PRMT8: variants seen among roughly 807,000 people sequenced by gnomAD.
PRMT8 encodes the protein protein arginine N-methyltransferase 8.
A neutral mutation model predicts 47.1 loss-of-function variants in PRMT8; 7 were observed. The observed-to-expected ratio is 0.15, with a 90% CI of 0.08 to 0.28. The LOEUF (loss-of-function observed/expected upper bound fraction) is 0.28, where lower values mean the gene tolerates loss of function less well. PRMT8 is among the 10% of genes least tolerant of loss of function. The pLI, the probability that PRMT8 is intolerant of heterozygous loss-of-function variation, is 1.00. For synonymous variants in PRMT8, 188 were observed against 186.5 expected (o/e 1.01, Z -0.07); for missense variants, 237 against 505.4 (o/e 0.47, Z 5.09).
Position 3,592,221 on chromosome 12 carries a change from C to T in PRMT8, c.980-10C>T. ...TTTCTTCCCACCTCCCCTGTTCTCTCACCCCTCAGCCCCTGATGCTCCCTA... is the reference window on the plus strand; with the variant it reads ...TTTCTTCCCACCTCCCCTGTTCTCTTACCCCTCAGCCCCTGATGCTCCCTA... On this transcript the variant is annotated splice_polypyrimidine_tract_variant and intron_variant, in intron 8 of 9. Transcript: ENST00000382622. 6.4e-7 allele frequency: 1 copy of T among 1,552,888 alleles called. No individual in the cohort carries two copies. The highest frequency in any genetic ancestry group is 8.6e-7 in the Non-Finnish European group (1 of 1,157,230).
intron 1 of PRMT8, among the ~76,000 whole-genome samples, chr12:3,388,816 A>G (rs1864165275): frequency 6.6e-6 from 1 of 152,272 alleles, no homozygotes; most frequent in Non-Finnish European, 1.5e-5. Context: ...GTGATAGTCA[A>G]GATCATATAG....
At position 3,569,858 on chromosome 12, in the gene PRMT8, T is replaced by C. The variant is rs1866814015; in HGVS notation, c.712+294T>C. 6.6e-6 allele frequency among the ~76,000 whole-genome samples: 1 copy of C among 152,178 alleles called. No individual in the cohort carries two copies. Among genetic ancestry groups the C allele is most frequent in the Non-Finnish European group, 1.5e-5 (1 of 68,030 alleles). ...GGACTGAGGCAGCAGAAGCTGAGTT[T>C]TTGCAGAGATCAGCAGGGCAAGTGG... is the stretch of plus-strand genomic sequence containing the variant. On this transcript the variant is annotated intron_variant, in intron 6 of 9. Transcript: ENST00000382622. The surrounding 1 kb of genome is among the most constrained non-coding windows in gnomAD (Gnocchi z 8.2).
chr12:3,410,256 T>C (rs1864413545), intron 1 of PRMT8, among the ~76,000 whole-genome samples: 1 of 152,226 alleles, frequency 6.6e-6, no homozygotes, highest in Non-Finnish European at 1.5e-5. Flanking sequence ...TTATCACTTA[T>C]ACCTCATGAG....
At chr12:3,448,729 A>C (rs1056420510) in intron 1 of PRMT8, among the ~76,000 whole-genome samples, 5 of 152,138 alleles carry the variant, frequency 3.3e-5, no homozygotes, top group African/African-American at 4.8e-5. Context: ...TCTTTTTAAA[A>C]ATTTTATTTT....
rs149651760 is a variant in PRMT8, at chr12:3,450,781, T to C, written c.48+69339T>C. 2.3e-3 allele frequency among the ~76,000 whole-genome samples: 344 copies of C among 152,342 alleles called. 2 individuals carry two copies. The highest frequency in any genetic ancestry group is 8.0e-3 in the African/African-American group (333 of 41,586). ...CTATTTTAAAAAGTGTACTCCAAAG[T>C]TGAGATTTAATATAATTAAAATGTT... On this transcript the variant is annotated intron_variant, in intron 1 of 9. Transcript: ENST00000452611.
chr12:3,483,498 A>G (rs576673846), intron 1 of PRMT8, among the ~76,000 whole-genome samples: 2 of 151,670 alleles, frequency 1.3e-5, no homozygotes, highest in South Asian at 4.2e-4. Flanking sequence ...ACCCCACTTT[A>G]TTGAGACTTG....
chr12:3,386,708 T>G (rs1364636042), intron 1 of PRMT8, among the ~76,000 whole-genome samples: 1 of 152,124 alleles, frequency 6.6e-6, no homozygotes. Flanking sequence ...TACCTTCTTT[T>G]TTTTTTCTTT....
intron 8 of PRMT8, among the ~76,000 whole-genome samples, chr12:3,588,461 CCT>C (rs1867230299): frequency 6.6e-6 from 1 of 152,194 alleles, no homozygotes; most frequent in South Asian, 2.1e-4. Flanking sequence ...CCCTCAGCTC[CCT>C]GTGTTCCCAA....
intron 1 of PRMT8, among the ~76,000 whole-genome samples, chr12:3,471,609 T>TG (rs1188371450): frequency 6.6e-6 from 1 of 151,526 alleles, no homozygotes; most frequent in Non-Finnish European, 1.5e-5. Context: ...TCAACCAGCA[T>TG]GGGGCATCTG....
At chr12:3,437,073 G>T (rs58446082) in intron 1 of PRMT8, among the ~76,000 whole-genome samples, 1 of 152,156 alleles carries the variant, frequency 6.6e-6, no homozygotes, top group Non-Finnish European at 1.5e-5. Context: ...ACAGCTGGAA[G>T]GCCACCCCTT....
At chr12:3,575,276 AAC>A (rs927198170) in intron 6 of PRMT8, among the ~76,000 whole-genome samples, 1 of 152,196 alleles carries the variant, frequency 6.6e-6, no homozygotes, top group Non-Finnish European at 1.5e-5. Flanking sequence ...CACTCTCCTA[AAC>A]ACACACAGGA....
chr12:3,510,232 G>A (rs551375261), intron 1 of PRMT8, among the ~76,000 whole-genome samples: 12 of 152,108 alleles, frequency 7.9e-5, no homozygotes, highest in African/African-American at 1.7e-4. Context: ...TCTGCAGAGT[G>A]GACATGACCC....
At chr12:3,452,396 C>T (rs1591553732) in intron 1 of PRMT8, among the ~76,000 whole-genome samples, 1 of 152,078 alleles carries the variant, frequency 6.6e-6, no homozygotes, top group South Asian at 2.1e-4. Flanking sequence ...GCACAGGAAA[C>T]TTTAGAAGTC....
In PRMT8 at chr12:3,447,479, G is replaced by GC. The variant is rs533863051; in HGVS notation, c.48+66043dup. ...CTTATGCTGTTCCCACAGCTGAGGC[G>GC]CCCCCCTCTCCCGCAGTGCCTCTCG... On this transcript the variant is annotated intron_variant, in intron 1 of 9. Transcript: ENST00000452611. 6.6e-5 allele frequency among the ~76,000 whole-genome samples: 10 copies of GC among 151,980 alleles called. No homozygotes were observed. The South Asian group carries it at 1.9e-3, about 29-fold the overall frequency.
intron 1 of PRMT8, among the ~76,000 whole-genome samples, chr12:3,428,134 T>C (rs573845242): frequency 6.6e-6 from 1 of 152,214 alleles, no homozygotes; most frequent in Non-Finnish European, 1.5e-5. Context: ...GAGTTCCTCA[T>C]AGGTCTGGTC....
At chr12:3,427,596 G>GT (rs553822813) in intron 1 of PRMT8, among the ~76,000 whole-genome samples, 4,569 of 144,962 alleles carry the variant, frequency 0.032, 226 homozygotes, top group African/African-American at 0.11. Flanking sequence ...CACATAAACT[G>GT]TTTTTTTTTT....
chr12:3,542,498 C>G (rs903074362), intron 2 of PRMT8, among the ~76,000 whole-genome samples: 3 of 152,228 alleles, frequency 2.0e-5, no homozygotes, highest in Non-Finnish European at 2.9e-5. Context: ...GACCTTGTCC[C>G]TAATTAAAAG....
chr12:3,470,443 C>G (rs981623199), intron 1 of PRMT8, among the ~76,000 whole-genome samples: 2 of 152,136 alleles, frequency 1.3e-5, no homozygotes, highest in East Asian at 3.9e-4. Flanking sequence ...GTGGTGAGGG[C>G]TCTGTTTGAA....
At chr12:3,444,547 A>T (rs1400228473) in intron 1 of PRMT8, among the ~76,000 whole-genome samples, 1 of 152,238 alleles carries the variant, frequency 6.6e-6, no homozygotes, top group Non-Finnish European at 1.5e-5. Context: ...ATGTTTTGTG[A>T]TCAGCAAATG....
Sources: gnomAD v4.1 joint callset for allele counts (sites outside exome capture counted in the v4.1 genomes callset) on GRCh38, gnomAD v4.1.1 for gene constraint, Gnocchi (gnomAD v3.1) non-coding constraint, MANE v1.5 for transcripts, NCBI Gene and HGNC (gene_info 2026-07-23, HGNC 2026-07-21) for gene names.